NTN1: variants seen among roughly 807,000 people sequenced by gnomAD.
NTN1 encodes the protein netrin-1.
A neutral mutation model predicts 54.2 loss-of-function variants in NTN1; 11 were observed. That is an observed-to-expected ratio of 0.20 (90% confidence interval 0.13 to 0.34). NTN1 has a LOEUF of 0.34. Ranked by LOEUF, NTN1 falls within the 10% of genes least tolerant of loss-of-function variation. The pLI is 1.00. For synonymous variants in NTN1, 371 were observed against 382.0 expected, an observed-to-expected ratio of 0.97 and a Z score of 0.33; for missense variants, 740 against 893.1, an observed-to-expected ratio of 0.83 and a Z score of 2.18.
chr17:9,079,865 TC>T (rs930427042), intron 2 of NTN1, among the ~76,000 whole-genome samples: 1 of 149,888 alleles, frequency 6.7e-6, no homozygotes, highest in Non-Finnish European at 1.5e-5. Context: ...AGGAGGTGGT[TC>T]CCCCTGGGAA....
chr17:9,215,905 CA>C (rs1644772677), intron 5 of NTN1, among the ~76,000 whole-genome samples: 1 of 152,098 alleles, frequency 6.6e-6, no homozygotes, highest in Non-Finnish European at 1.5e-5. Context: ...ATTTATTCTC[CA>C]TGTTTCTGGA....
At chr17:9,096,367 T>C (rs12601342) in intron 2 of NTN1, among the ~76,000 whole-genome samples, 2,263 of 9,422 alleles carry the variant, frequency 0.24, 304 homozygotes, top group African/African-American at 0.3. Context: ...ATGGGTAGAC[T>C]TTTTTTTTTT....
In NTN1 at chr17:9,022,481, G is replaced by A; in HGVS notation, c.108G>A (p.Ala36=). The A allele has an allele frequency of 2.0e-6, 3 of 1,533,660 alleles. No homozygotes were observed. The highest frequency in any genetic ancestry group is 1.7e-6 in the Non-Finnish European group (2 of 1,144,474). ...TCAGCATGTTCGCGGGCCAGGCGGCGCAGCCCGATCCCTGCTCGGACGAGA... is the reference window on the plus strand; with the variant it reads ...TCAGCATGTTCGCGGGCCAGGCGGCACAGCCCGATCCCTGCTCGGACGAGA... ...PGLSMFAGQA[A]QPDPCSDENG... is the part of the protein sequence containing the mutation. Residue 36 remains alanine, a synonymous_variant, in exon 2 of 7, where the codon GCG becomes GCA. Coordinates refer to ENST00000173229, the MANE Select transcript of NTN1 (RefSeq NM_004822.3).
At position 9,116,132 on chromosome 17, in the gene NTN1, TC is replaced by T. The variant is rs554017882; in HGVS notation, c.1019-46679del. Among the ~76,000 whole-genome samples the T allele has an allele frequency of 2.7e-3, 405 of 152,356 alleles. 3 individuals are homozygous for T. The highest frequency in any genetic ancestry group is 0.02 in the Middle Eastern group (6 of 294). Reference sequence around the variant, plus strand: ...TTGGTCCTAGCCAGGGCTCTGCTGTTCCTGGAGGAGCGGCTGTGGGCCAGCT... The same window carrying T: ...TTGGTCCTAGCCAGGGCTCTGCTGTTCTGGAGGAGCGGCTGTGGGCCAGCT... On this transcript the variant is annotated intron_variant, in intron 2 of 6. Transcript: ENST00000173229.
chr17:9,113,019 A>ATTTTTTTTTTTTTTTTTTTTT (rs398058563), intron 2 of NTN1, among the ~76,000 whole-genome samples: 1 of 141,938 alleles, frequency 7.0e-6, no homozygotes. Flanking sequence ...TGTATACAGA[A>ATTTTTTTTTTTTTTTTTTTTT]TTTTTTTTAT....
At chr17:9,086,067 A>G (rs2092089222) in intron 2 of NTN1, among the ~76,000 whole-genome samples, 1 of 152,226 alleles carries the variant, frequency 6.6e-6, no homozygotes, top group Non-Finnish European at 1.5e-5. Context: ...AAGCAACTTC[A>G]TAAACACCAG....
chr17:9,172,353 G>C (rs901340922), intron 3 of NTN1, among the ~76,000 whole-genome samples: 4 of 152,122 alleles, frequency 2.6e-5, no homozygotes, highest in Non-Finnish European at 5.9e-5. Flanking sequence ...GGTGGTGGGT[G>C]CCTGTAGTCC....
chr17:9,229,238 A>C (rs1026910793), intron 6 of NTN1, among the ~76,000 whole-genome samples: 3 of 151,720 alleles, frequency 2.0e-5, no homozygotes, highest in African/African-American at 4.8e-5. Context: ...CAGAATTCTG[A>C]TTTGCATCAC....
At chr17:9,070,565 A>G (rs2092028903) in intron 2 of NTN1, among the ~76,000 whole-genome samples, 1 of 151,956 alleles carries the variant, frequency 6.6e-6, no homozygotes, top group South Asian at 2.1e-4. Flanking sequence ...GTTGCCACTC[A>G]TCTAAGCTGC....
In NTN1 at chr17:9,166,844, G is replaced by A. The variant is rs572687806; in HGVS notation, c.1207+3843G>A. 1.0e-3 allele frequency among the ~76,000 whole-genome samples: 154 copies of A among 152,328 alleles called. 2 individuals are homozygous for A. The highest frequency in any genetic ancestry group is 6.8e-3 in the Middle Eastern group (2 of 294). On this transcript the variant is annotated intron_variant, in intron 3 of 6. Coordinates refer to ENST00000173229, the MANE Select transcript of NTN1 (RefSeq NM_004822.3). The stretch of plus-strand genomic sequence containing the variant: ...CTTTACAGGGCCTGGGCAGGGGGCC[G>A]AGGCCACCCATATGCTGCTGGTGAT...
At chr17:9,126,498 C>T (rs529789676) in intron 2 of NTN1, among the ~76,000 whole-genome samples, 31 of 151,708 alleles carry the variant, frequency 2.0e-4, no homozygotes, top group African/African-American at 5.8e-4. Context: ...GTGACAAGAG[C>T]GAAACTCCAT....
At chr17:9,183,943 T>G (rs2092426250) in intron 5 of NTN1, among the ~76,000 whole-genome samples, 1 of 152,074 alleles carries the variant, frequency 6.6e-6, no homozygotes, top group Admixed American at 6.5e-5. Flanking sequence ...GACTTTTGTG[T>G]ACTGGTACTT....
chr17:9,028,205 A>G (rs1424227584), intron 2 of NTN1, among the ~76,000 whole-genome samples: 1 of 152,188 alleles, frequency 6.6e-6, no homozygotes, highest in Non-Finnish European at 1.5e-5. Flanking sequence ...AAAAATCCAG[A>G]AAGTGGCTGA....
At chr17:9,227,657 T>TCAAACACACCATCACAC (rs137860749) in intron 6 of NTN1, among the ~76,000 whole-genome samples, 117,034 of 147,356 alleles carry the variant, frequency 0.79, 46,289 homozygotes, top group African/African-American at 0.85. Context: ...CACCATCACA[T>TCAAACACACCATCACAC]ACCACACACA....
intron 2 of NTN1, among the ~76,000 whole-genome samples, chr17:9,086,186 G>T (rs2092089498): frequency 6.6e-6 from 1 of 152,076 alleles, no homozygotes; most frequent in African/African-American, 2.4e-5. Flanking sequence ...GAGATAAGTT[G>T]TTATGGTGTC....
intron 5 of NTN1, among the ~76,000 whole-genome samples, chr17:9,199,719 G>T (rs1239839258): frequency 2.0e-5 from 3 of 152,274 alleles, no homozygotes; most frequent in Non-Finnish European, 4.4e-5. Flanking sequence ...ACTACAAGGG[G>T]GTCGCTGGGT....
chr17:9,016,816 G>A (rs2091832995), upstream of NTN1, among the ~76,000 whole-genome samples: 1 of 152,158 alleles, frequency 6.6e-6, no homozygotes. Flanking sequence ...TCTTTCTCTA[G>A]GTCTATCCAA....
rs149989154 is a variant in NTN1, at chr17:9,030,929, C to G, written c.1018+7538C>G. Among the ~76,000 whole-genome samples the G allele has an allele frequency of 5.4e-4, 82 of 152,216 alleles. 6 individuals carry two copies. The highest frequency in any genetic ancestry group is 1.7e-3 in the African/African-American group (69 of 41,538). On this transcript the variant is annotated intron_variant, in intron 2 of 6. Coordinates refer to ENST00000173229, the MANE Select transcript of NTN1 (RefSeq NM_004822.3). ...AGGAAGGTGCTAGAAGTCTGTCTCC[C>G]TGGAGGATTCAGGAATTGGCCTGTG...
At chr17:9,231,097 C>T (rs553934063) in intron 6 of NTN1, among the ~76,000 whole-genome samples, 16 of 152,270 alleles carry the variant, frequency 1.1e-4, no homozygotes, top group African/African-American at 3.6e-4. Flanking sequence ...CTTCTCCCGA[C>T]GCAGAGCGCG....
Sources: gnomAD v4.1 joint callset for allele counts (sites outside exome capture counted in the v4.1 genomes callset) on GRCh38, gnomAD v4.1.1 for gene constraint, MANE v1.5 for transcripts, NCBI Gene and HGNC (gene_info 2026-07-23, HGNC 2026-07-21) for gene names.